Variants in XKRX observed in about 807,000 individuals in gnomAD.
XKRX encodes XK-related protein 2.
Under a neutral mutation model 22.4 loss-of-function variants are expected in XKRX, and 11 were observed. That is an observed-to-expected ratio of 0.49 (90% CI 0.31 to 0.81). The LOEUF is 0.81. Among genes scored for constraint, XKRX ranks in the 40% least tolerant of loss-of-function variants. The pLI is 0.05. For missense variants in XKRX, 320 were observed against 336.5 expected (o/e 0.95, Z 0.38); for synonymous variants, 114 against 132.2 (o/e 0.86, Z 0.94).
chrX:100,897,593 A>ATATATGTGTG, the XKRX span, among the ~76,000 whole-genome samples: 11 of 66,472 alleles, frequency 1.7e-4, no homozygotes, highest in African/African-American at 6.6e-4. Context: ...AAATATATAT[A>ATATATGTGTG]TGTGTGTGTG....
chrX:100,937,887 G>A, the XKRX span, among the ~76,000 whole-genome samples: 1 of 111,490 alleles, frequency 9.0e-6, no homozygotes, highest in Non-Finnish European at 1.9e-5. Context: ...AGATATTCCA[G>A]CAGTGCCAAG....
At chrX:100,935,643 C>T in the XKRX span, among the ~76,000 whole-genome samples, 4 of 111,975 alleles carry the variant, frequency 3.6e-5, no homozygotes, top group Non-Finnish European at 7.5e-5. Context: ...TTTATTAGAA[C>T]TGCTCTTCAG....
chrX:100,957,284 A>G, the XKRX span: 1 of 1,004,084 alleles, frequency 1.0e-6, no homozygotes, highest in Admixed American at 2.2e-5. Context: ...GGGGTGGAGA[A>G]GATGTTCATC....
the XKRX span, among the ~76,000 whole-genome samples, chrX:100,956,382 T>G: frequency 3.6e-5 from 4 of 111,824 alleles, no homozygotes; most frequent in East Asian, 2.8e-4. Context: ...AAAATTATGA[T>G]TTTTTTAAGT....
At chrX:100,896,492 A>G in the XKRX span, among the ~76,000 whole-genome samples, 1 of 112,091 alleles carries the variant, frequency 8.9e-6, no homozygotes, top group Non-Finnish European at 1.9e-5. Flanking sequence ...AAATACACAC[A>G]TACATGTGTG....
the XKRX span, among the ~76,000 whole-genome samples, chrX:100,895,059 A>G: frequency 8.9e-6 from 1 of 112,106 alleles, no homozygotes; most frequent in African/African-American, 3.2e-5. Flanking sequence ...ATTAACAATG[A>G]ATTGTAAAAA....
At chrX:100,889,468 C>T in the XKRX span, among the ~76,000 whole-genome samples, 1 of 109,566 alleles carries the variant, frequency 9.1e-6, no homozygotes, top group African/African-American at 3.3e-5. Flanking sequence ...AACTCCTAGC[C>T]TCAAGCAATC....
chrX:100,946,886 G>C, the XKRX span, among the ~76,000 whole-genome samples: 21 of 111,827 alleles, frequency 1.9e-4, no homozygotes, highest in African/African-American at 6.8e-4. Context: ...GTATAAAAGG[G>C]TGAAGAGTAG....
At chrX:100,890,839 G>A in the XKRX span, among the ~76,000 whole-genome samples, 3 of 110,533 alleles carry the variant, frequency 2.7e-5, no homozygotes, top group Non-Finnish European at 5.7e-5. Context: ...TTCATACATG[G>A]ACAAAATTTC....
chrX:100,899,349 TA>T, the XKRX span, among the ~76,000 whole-genome samples: 1 of 112,353 alleles, frequency 8.9e-6, no homozygotes, highest in Non-Finnish European at 1.9e-5. Context: ...ACTCCATCTC[TA>T]CTAAAAATAC....
At chrX:100,926,661 T>C (rs998743128) in intron 1 of XKRX, among the ~76,000 whole-genome samples, 4 of 111,513 alleles carry the variant, frequency 3.6e-5, no homozygotes, top group Non-Finnish European at 7.5e-5. Context: ...ACTCATAAGT[T>C]TTGCAACATC....
At chrX:100,923,871 C>G (rs1255089090) in intron 1 of XKRX, among the ~76,000 whole-genome samples, 2 of 93,045 alleles carry the variant, frequency 2.1e-5, no homozygotes, top group South Asian at 5.6e-4. Flanking sequence ...GAGTCTTGCT[C>G]TGTCGCCCAG....
chrX:100,958,790 T>C, the XKRX span, among the ~76,000 whole-genome samples: 1 of 112,079 alleles, frequency 8.9e-6, no homozygotes, highest in Admixed American at 9.5e-5. Context: ...ATTCCTAGCA[T>C]GCATAAATTT....
chrX:100,888,479 C>T, the XKRX span: 3 of 920,540 alleles, frequency 3.3e-6, no homozygotes, highest in South Asian at 2.0e-5. Context: ...TGTGAGCATT[C>T]CCCATCGCTC....
the XKRX span, among the ~76,000 whole-genome samples, chrX:100,896,287 G>C: frequency 1.8e-5 from 2 of 111,421 alleles, no homozygotes; most frequent in Non-Finnish European, 3.8e-5. Flanking sequence ...TATGCCCAGT[G>C]CTATTTATTG....
At chrX:100,939,856 C>T in the XKRX span, among the ~76,000 whole-genome samples, 2 of 112,122 alleles carry the variant, frequency 1.8e-5, no homozygotes, top group Admixed American at 1.9e-4. Context: ...TCATTCATAG[C>T]CAAGAACTAA....
At chrX:100,891,369 C>T in the XKRX span, among the ~76,000 whole-genome samples, 3 of 110,748 alleles carry the variant, frequency 2.7e-5, no homozygotes, top group African/African-American at 1.0e-4. Flanking sequence ...CCACAAAAGG[C>T]ACAGAATAGC....
upstream of XKRX, among the ~76,000 whole-genome samples, chrX:100,933,500 A>C (rs1200031770): frequency 9.2e-6 from 1 of 108,925 alleles, no homozygotes; most frequent in Admixed American, 9.9e-5. Context: ...AAAAAAAAAA[A>C]CAGAATGCAA....
the XKRX span, among the ~76,000 whole-genome samples, chrX:100,942,495 G>GA: frequency 8.9e-6 from 1 of 111,787 alleles, no homozygotes; most frequent in African/African-American, 3.3e-5. Context: ...AGGTAATTGA[G>GA]AAAAAAGTAA....
Sources: allele counts gnomAD v4.1 joint callset (sites outside exome capture counted in the v4.1 genomes callset), GRCh38; gene constraint gnomAD v4.1.1; transcripts MANE v1.5; gene names NCBI Gene and HGNC (gene_info 2026-07-23, HGNC 2026-07-21).